Variants in LTBP2 observed in about 807,000 individuals in gnomAD.
LTBP2 encodes the protein latent transforming growth factor beta binding protein 2.
Under a neutral mutation model 210.6 loss-of-function variants are expected in LTBP2, and 103 were observed. The observed-to-expected ratio is 0.49, with a 90% CI of 0.42 to 0.58. The LOEUF (loss-of-function observed/expected upper bound fraction) is 0.58, where lower values mean the gene tolerates loss of function less well. LTBP2 is among the 20% of genes least tolerant of loss of function. The pLI, the probability that LTBP2 is intolerant of heterozygous loss-of-function variation, is 0.00. For missense variants in LTBP2, 2,313 were observed against 2,494.5 expected, an observed-to-expected ratio of 0.93 and a Z score of 1.55; for synonymous variants, 1,007 against 1,015.0, an observed-to-expected ratio of 0.99 and a Z score of 0.15.
At position 74,516,219 on chromosome 14, in the gene LTBP2, G is replaced by C. The variant is rs548230221; in HGVS notation, c.2908+603C>G. The stretch of plus-strand genomic sequence containing the variant: ...GCCTGTGACACCCCAGCCTGACAGG[G>C]ACGTGGTGGCAGCAAAGCTGCCAGG... On this transcript the variant is annotated intron_variant, in intron 18 of 35. Transcript: ENST00000261978. 2.0e-5 allele frequency among the ~76,000 whole-genome samples: 3 copies of C among 152,364 alleles called. No homozygotes were observed. The South Asian group carries it at 6.2e-4, about 32-fold the overall frequency.
At chr14:74,514,704 G>A (rs761336159) in intron 18 of LTBP2, among the ~76,000 whole-genome samples, 3 of 152,292 alleles carry the variant, frequency 2.0e-5, no homozygotes, top group South Asian at 2.1e-4. Flanking sequence ...CGGAAATGCC[G>A]TTGAGACTGC....
chr14:74,554,612 C>A (rs546383260), intron 4 of LTBP2, among the ~76,000 whole-genome samples: 177 of 152,236 alleles, frequency 1.2e-3, no homozygotes, highest in African/African-American at 4.1e-3. Flanking sequence ...ATATGCAAAT[C>A]TATAGAGACG....
intron 8 of LTBP2, among the ~76,000 whole-genome samples, chr14:74,543,314 C>T (rs1207141785): frequency 7.3e-6 from 1 of 137,028 alleles, no homozygotes; most frequent in Non-Finnish European, 1.5e-5. Flanking sequence ...GGAGGCAGAG[C>T]TTGCAGTGAG....
At chr14:74,569,996 G>C (rs2087954304) in intron 3 of LTBP2, among the ~76,000 whole-genome samples, 1 of 152,092 alleles carries the variant, frequency 6.6e-6, no homozygotes, top group African/African-American at 2.4e-5. Flanking sequence ...TAACTACAAG[G>C]AAGTGTATGA....
At position 74,511,289 on chromosome 14, in the gene LTBP2, A is replaced by G; in HGVS notation, c.2984T>C (p.Leu995Pro). The G allele has an allele frequency of 6.2e-7, 1 of 1,614,110 alleles. No individual in the cohort carries two copies. The highest frequency in any genetic ancestry group is 8.5e-7 in the Non-Finnish European group (1 of 1,180,014). The change falls in exon 19 of 36, where the codon CTG becomes CCG. Residue 995 changes from leucine to proline, a missense_variant. Leu to Pro is a moderately conservative substitution (Grantham distance 98). Transcript: ENST00000261978. ...GCCCCGGTAGCCCTCCTCACAGGCC[A>G]GACAAGTGTAGGAGCCAGGGGAATT... ...CVNSPGSYTCLACEEGYRGQS... is the reference protein window; with the variant it reads ...CVNSPGSYTCPACEEGYRGQS...
chr14:74,522,961 G>A (rs750433119), intron 15 of LTBP2, 43 bp from the exon 16 acceptor site: 1 of 1,597,182 alleles, frequency 6.3e-7, no homozygotes, highest in Non-Finnish European at 8.5e-7. Context: ...CAGGGTGGGT[G>A]CTGGACAAAG....
intron 8 of LTBP2, among the ~76,000 whole-genome samples, chr14:74,537,345 C>G (rs1256057081): frequency 6.6e-6 from 1 of 152,226 alleles, no homozygotes; most frequent in East Asian, 1.9e-4. Flanking sequence ...AAAAAGAGAA[C>G]TCAGCTATAA....
Position 74,540,820 on chromosome 14 carries a change from A to T in LTBP2, c.1790-4820T>A, listed in dbSNP as rs7152853. Among the ~76,000 whole-genome samples, 69 of 19,526 alleles carry T rather than the reference A, an allele frequency of 3.5e-3. 1 individual carries two copies. Among genetic ancestry groups the T allele is most frequent in the East Asian group, 0.014 (25 of 1,754 alleles). 12.8% of individuals were successfully genotyped at this position (19,526 alleles called of 152,430 possible). On this transcript the variant is annotated intron_variant, in intron 8 of 35. Transcript: ENST00000261978. Reference sequence around the variant, plus strand: ...TTATATATATATATAATATATATATATTTTTATATAATATATATTTATATA... The same window carrying T: ...TTATATATATATATAATATATATATTTTTTTATATAATATATATTTATATA...
chr14:74,522,750 C>A (rs917920475), intron 16 of LTBP2, 40 bp downstream of exon 16: 16 of 1,590,774 alleles, frequency 1.0e-5, no homozygotes, highest in Non-Finnish European at 1.3e-5. Context: ...CTCCCATCTA[C>A]CCCAGCCGCC....
intron 9 of LTBP2, among the ~76,000 whole-genome samples, chr14:74,535,015 C>G (rs2087401248): frequency 6.6e-6 from 1 of 152,050 alleles, no homozygotes; most frequent in Admixed American, 6.6e-5. Flanking sequence ...CCCCGATGTA[C>G]CCTCCAAAGG....
intron 15 of LTBP2, among the ~76,000 whole-genome samples, chr14:74,524,897 G>C (rs2087252045): frequency 4.6e-5 from 7 of 152,194 alleles, no homozygotes; most frequent in Admixed American, 4.6e-4. Context: ...CCCCTTCTGG[G>C]CTTGGGCAGT....
At chr14:74,508,351 C>T (rs2087018985) in intron 24 of LTBP2, among the ~76,000 whole-genome samples, 1 of 152,096 alleles carries the variant, frequency 6.6e-6, no homozygotes, top group African/African-American at 2.4e-5. Flanking sequence ...TGCATGCCTG[C>T]TGTCAACGTC....
chr14:74,572,312 TGTGTGTGTGTGAGAGA>T lies in LTBP2; in HGVS notation c.830+13526_830+13541del, dbSNP rs1283624547. On this transcript the variant is annotated intron_variant, in intron 3 of 35. Transcript: ENST00000261978. ...GTGTGTGTGTGTGTGTGTGTCTGTG[TGTGTGTGTGTGAGAGA>T]GAGAGAGAGAGAGTGTGTGTGTGTG... Among the ~76,000 whole-genome samples, 36 of 62,606 alleles carry T rather than the reference TGTGTGTGTGTGAGAGA, an allele frequency of 5.8e-4. 3 individuals are homozygous for T. The highest frequency in any genetic ancestry group is 3.8e-3 in the Admixed American group (21 of 5,570). The allele number at this position is 62,606 out of a possible 152,430, so 41.1% of individuals were successfully genotyped here.
chr14:74,594,225 C>T (rs1161418242), intron 2 of LTBP2, among the ~76,000 whole-genome samples: 4 of 152,136 alleles, frequency 2.6e-5, no homozygotes, highest in Admixed American at 1.3e-4. Flanking sequence ...CCCTACCCCC[C>T]GGGCAAGGCG....
chr14:74,559,808 G>T (rs2087771260), intron 3 of LTBP2: 1 of 152,218 alleles, frequency 6.6e-6, no homozygotes, highest in African/African-American at 2.4e-5. Context: ...TGCCATGTTT[G>T]CCCCAGGCTG....
chr14:74,503,082 T>TG, intron 33 of LTBP2, 137 bp downstream of exon 33: 1 of 1,491,666 alleles, frequency 6.7e-7, no homozygotes, highest in South Asian at 1.2e-5. Context: ...TGCCCTACTT[T>TG]GTCCCCAAAC....
intron 3 of LTBP2, among the ~76,000 whole-genome samples, chr14:74,560,315 T>C (rs1369761635): frequency 6.6e-6 from 1 of 152,216 alleles, no homozygotes; most frequent in Admixed American, 6.5e-5. Flanking sequence ...TTATGGATCA[T>C]GAAATCCCCA....
At chr14:74,593,631 A>C (rs1224087314) in intron 2 of LTBP2, among the ~76,000 whole-genome samples, 3 of 152,224 alleles carry the variant, frequency 2.0e-5, no homozygotes, top group Admixed American at 6.5e-5. Flanking sequence ...AGATTAAATA[A>C]AATTTAAAAT....
chr14:74,596,268 T>TAAA (rs1555353657), intron 2 of LTBP2, among the ~76,000 whole-genome samples: 6,156 of 117,088 alleles, frequency 0.053, 161 homozygotes, highest in Middle Eastern at 0.071. Context: ...TAAATAAAAA[T>TAAA]TAAAAACAAA....
Sources: gnomAD v4.1 joint callset for allele counts (sites outside exome capture counted in the v4.1 genomes callset) on GRCh38, gnomAD v4.1.1 for gene constraint, MANE v1.5 for transcripts, NCBI Gene and HGNC (gene_info 2026-07-23, HGNC 2026-07-21) for gene names.